ANO6: variants seen among roughly 807,000 people sequenced by gnomAD.
The protein encoded by ANO6 is anoctamin 6.
In ANO6, 106 loss-of-function variants were observed where a neutral mutation model predicts 117.5. The ratio of observed to expected loss-of-function variants is 0.90; its 90% CI spans 0.77 to 1.06. The LOEUF is 1.06. ANO6 is among the 50% of genes least tolerant of loss of function. The pLI is 0.00. For missense variants in ANO6, 955 were observed against 1,121.1 expected, an observed-to-expected ratio of 0.85 and a Z score of 2.12; for synonymous variants, 367 against 385.1, an observed-to-expected ratio of 0.95 and a Z score of 0.55.
chr12:45,390,615 T>C (rs1230825595), intron 12 of ANO6, 117 bp downstream of exon 12: 1 of 938,160 alleles, frequency 1.1e-6, no homozygotes, highest in African/African-American at 1.7e-5. Context: ...GGAAACTATA[T>C]GGTCTCAGAG....
intron 1 of ANO6, among the ~76,000 whole-genome samples, chr12:45,218,101 C>G (rs1357509123): frequency 2.0e-5 from 3 of 152,128 alleles, no homozygotes; most frequent in African/African-American, 7.2e-5. Context: ...TTTGTCCAGT[C>G]AAACAGTGTA....
In ANO6 at chr12:45,278,549, C is replaced by CT. The variant is rs201942973; in HGVS notation, c.71-23457dup. On this transcript the variant is annotated intron_variant, in intron 1 of 19. Coordinates refer to ENST00000320560, the MANE Select transcript of ANO6 (RefSeq NM_001025356.3). The stretch of plus-strand genomic sequence containing the variant: ...TGTATCATTTTAATTTCCAAAAGCT[C>CT]TTTTTTTTATTCTTTGACTATTTCT... Among the ~76,000 whole-genome samples the CT allele has an allele frequency of 7.4e-3, 1,122 of 152,098 alleles. 7 individuals are homozygous for CT. The highest frequency in any genetic ancestry group is 0.023 in the African/African-American group (959 of 41,506).
At chr12:45,283,558 G>T (rs1223550380) in intron 1 of ANO6, among the ~76,000 whole-genome samples, 1 of 152,198 alleles carries the variant, frequency 6.6e-6, no homozygotes, top group African/African-American at 2.4e-5. Context: ...ATATAATTTG[G>T]TTGATTCAGT....
intron 2 of ANO6, among the ~76,000 whole-genome samples, chr12:45,328,836 A>G (rs553545078): frequency 2.0e-5 from 3 of 152,194 alleles, no homozygotes; most frequent in East Asian, 1.9e-4. Context: ...TGTTTTTTCC[A>G]TATTTGCACA....
At chr12:45,402,373 G>C (rs533865383) in intron 13 of ANO6, among the ~76,000 whole-genome samples, 34 of 152,216 alleles carry the variant, frequency 2.2e-4, no homozygotes, top group Admixed American at 4.6e-4. Flanking sequence ...TATGTTCCTC[G>C]GTTGCTGAGA....
chr12:45,285,503 G>T (rs763490268), intron 1 of ANO6, among the ~76,000 whole-genome samples: 4 of 152,174 alleles, frequency 2.6e-5, no homozygotes, highest in Non-Finnish European at 2.9e-5. Context: ...CAGCACTTTG[G>T]GAGGCTGAGG....
intron 8 of ANO6, among the ~76,000 whole-genome samples, chr12:45,358,452 T>C (rs1941468753): frequency 6.6e-6 from 1 of 152,028 alleles, no homozygotes; most frequent in Admixed American, 6.5e-5. Context: ...AGCTTCTCTG[T>C]TGGTTTGTAC....
Position 45,221,957 on chromosome 12 carries a change from C to T in ANO6, c.70+5566C>T, listed in dbSNP as rs369454543. On this transcript the variant is annotated intron_variant, in intron 1 of 19. Transcript: ENST00000320560. ...AGTGCAGTGGCGTGATCTCAGCTCACGGCAAGCTCCGCCTCTTGGATTCAC... is the reference window on the plus strand; with the variant it reads ...AGTGCAGTGGCGTGATCTCAGCTCATGGCAAGCTCCGCCTCTTGGATTCAC... Among the ~76,000 whole-genome samples, 57 of 150,234 alleles carry T rather than the reference C, an allele frequency of 3.8e-4. No homozygotes were observed. In the East Asian group the frequency reaches 5.7e-3, roughly 15 times the overall value.
intron 3 of ANO6, among the ~76,000 whole-genome samples, chr12:45,336,420 T>A (rs1466834196): frequency 1.3e-5 from 2 of 152,098 alleles, no homozygotes; most frequent in East Asian, 3.9e-4. Flanking sequence ...TAATACTACA[T>A]TAAATTATTT....
chr12:45,260,270 CT>C (rs1937980800), intron 1 of ANO6, among the ~76,000 whole-genome samples: 1 of 152,198 alleles, frequency 6.6e-6, no homozygotes, highest in African/African-American at 2.4e-5. Context: ...ATTATCCTTG[CT>C]TTGTCAGCTT....
chr12:45,279,437 A>G (rs1440861654), intron 1 of ANO6, among the ~76,000 whole-genome samples: 2 of 152,120 alleles, frequency 1.3e-5, no homozygotes, highest in Admixed American at 1.3e-4. Context: ...TTCTGGTAGT[A>G]CTTGAGGAGG....
rs772945854 is a variant in ANO6, at chr12:45,423,073, T to A, written c.2526+11T>A. The A allele has an allele frequency of 1.3e-6, 2 of 1,590,438 alleles. No individual in the cohort carries two copies. Among genetic ancestry groups the A allele is most frequent in the Admixed American group, 1.7e-5 (1 of 59,966 alleles). ...ATCATTGTCATGGAGGTAGGAAAAG[T>A]ATGCTTTCAAACAGTTTATAAGGAT... On this transcript the variant is annotated intron_variant, in intron 19 of 19. Transcript: ENST00000320560.
intron 1 of ANO6, among the ~76,000 whole-genome samples, chr12:45,281,789 G>T (rs1938745001): frequency 6.6e-6 from 1 of 152,196 alleles, no homozygotes; most frequent in African/African-American, 2.4e-5. Flanking sequence ...TTTGAAAGTG[G>T]TTTCCTAATG....
chr12:45,247,050 C>T (rs762591123), intron 1 of ANO6, among the ~76,000 whole-genome samples: 50 of 152,172 alleles, frequency 3.3e-4, no homozygotes, highest in Non-Finnish European at 2.6e-4. Context: ...CTCACCCTCC[C>T]GAGTAGCTGG....
intron 2 of ANO6, among the ~76,000 whole-genome samples, chr12:45,310,418 G>A (rs535802899): frequency 6.6e-6 from 1 of 152,214 alleles, no homozygotes; most frequent in East Asian, 1.9e-4. Context: ...GAGTAAGTGA[G>A]TCAAGGCTTG....
chr12:45,236,630 G>A (rs1478640113), intron 1 of ANO6, among the ~76,000 whole-genome samples: 1 of 152,202 alleles, frequency 6.6e-6, no homozygotes, highest in Non-Finnish European at 1.5e-5. Flanking sequence ...GTCTACCACT[G>A]ATGGACATTT....
exon 20 of ANO6, chr12:45,440,082 G>T (rs952060682): frequency 1.2e-6 from 1 of 831,972 alleles, no homozygotes; most frequent in African/African-American, 1.8e-5. Flanking sequence ...CCTCTAAATC[G>T]TATTTGAGCT....
intron 19 of ANO6, among the ~76,000 whole-genome samples, chr12:45,427,693 G>A (rs958114890): frequency 2.0e-5 from 3 of 150,480 alleles, no homozygotes; most frequent in Non-Finnish European, 2.9e-5. Flanking sequence ...AAAATGCAGA[G>A]TAAGACCAAA....
chr12:45,375,249 G>A (rs1460393402), intron 9 of ANO6, among the ~76,000 whole-genome samples: 1 of 152,190 alleles, frequency 6.6e-6, no homozygotes, highest in Non-Finnish European at 1.5e-5. Context: ...TTGGTAGGAA[G>A]AATCAATATC....
Sources: allele counts gnomAD v4.1 joint callset (sites outside exome capture counted in the v4.1 genomes callset), GRCh38; gene constraint gnomAD v4.1.1; transcripts MANE v1.5; gene names NCBI Gene and HGNC (gene_info 2026-07-23, HGNC 2026-07-21).